The following IAH1 variants were observed in gnomAD, a reference collection of about 807,000 sequenced individuals.
The protein encoded by IAH1 is isoamyl acetate hydrolyzing esterase 1 (putative), also known as isoamyl acetate-hydrolyzing esterase 1 homolog.
Under a neutral mutation model 26.7 loss-of-function variants are expected in IAH1, and 24 were observed. The observed-to-expected ratio is 0.90, with a 90% CI of 0.65 to 1.26. The LOEUF (loss-of-function observed/expected upper bound fraction) is 1.26, where lower values mean the gene tolerates loss of function less well. Ranked by LOEUF, IAH1 falls within the 50% of genes most tolerant of loss-of-function variation. The pLI, the probability that IAH1 is intolerant of heterozygous loss-of-function variation, is 0.00. For synonymous variants in IAH1, 140 were observed against 118.5 expected (o/e 1.18, Z -1.18); for missense variants, 300 against 299.9 (o/e 1.00, Z 0.00).
downstream of IAH1, chr2:9,493,100 C>T: frequency 3.8e-6 from 3 of 795,204 alleles, no homozygotes; most frequent in South Asian, 3.8e-5. Context: ...GCTAGACATA[C>T]TACCGAGAGC....
downstream of IAH1, among the ~76,000 whole-genome samples, chr2:9,493,279 C>T (rs1662307952): frequency 6.6e-6 from 1 of 152,174 alleles, no homozygotes; most frequent in Non-Finnish European, 1.5e-5. Context: ...CTAGTAAATG[C>T]TTAAGAAGAC....
chr2:9,490,205 C>T (rs754284338), downstream of IAH1: 13 of 1,598,690 alleles, frequency 8.1e-6, no homozygotes, highest in South Asian at 3.3e-5. Context: ...GCTGTCAACA[C>T]GATTCTGACG....
chr2:9,504,316 G>A, the IAH1 span, among the ~76,000 whole-genome samples: 5 of 151,802 alleles, frequency 3.3e-5, no homozygotes, highest in East Asian at 1.9e-4. Context: ...GTGATGGTGC[G>A]TACCTGTAGT....
intron 1 of IAH1, among the ~76,000 whole-genome samples, chr2:9,475,451 C>A (rs546496193): frequency 2.0e-5 from 3 of 151,598 alleles, no homozygotes. Context: ...CCTCACTGAC[C>A]TTTGACTTTA....
the IAH1 span, chr2:9,506,977 C>A: frequency 6.6e-6 from 1 of 152,132 alleles, no homozygotes; most frequent in Non-Finnish European, 1.5e-5. Context: ...ACTTCCTCTT[C>A]CGTTCAGCAA....
chr2:9,507,172 A>C, the IAH1 span, among the ~76,000 whole-genome samples: 1 of 152,154 alleles, frequency 6.6e-6, no homozygotes, highest in Non-Finnish European at 1.5e-5. Context: ...TTCATCAGTT[A>C]AAAATATTTT....
At chr2:9,510,093 A>G in the IAH1 span, 1 of 1,614,196 alleles carries the variant, frequency 6.2e-7, no homozygotes, top group Non-Finnish European at 8.5e-7. Context: ...CTGCTCCAAA[A>G]TTATGTCCCA....
At chr2:9,504,852 A>G in the IAH1 span, among the ~76,000 whole-genome samples, 1 of 151,764 alleles carries the variant, frequency 6.6e-6, no homozygotes, top group Non-Finnish European at 1.5e-5. Context: ...ATAATGTCAC[A>G]CTGCTTTCCA....
chr2:9,475,906 A>T, intron 1 of IAH1, 81 bp from the exon 2 acceptor site: 1 of 1,224,408 alleles, frequency 8.2e-7, no homozygotes. Flanking sequence ...CCGAGAAAAC[A>T]GAAGTTGCCA....
At chr2:9,498,205 C>CT (rs869073680), downstream of IAH1, among the ~76,000 whole-genome samples, 14 of 145,688 alleles carry the variant, frequency 9.6e-5, no homozygotes, top group South Asian at 2.2e-4. Flanking sequence ...AATTTTCTTT[C>CT]TTTTTTTTTG....
Position 9,475,976 on chromosome 2 carries a change from T to C in IAH1, c.82-11T>C. 1.2e-6 allele frequency: 2 copies of C among 1,613,118 alleles called. No individual in the cohort carries two copies. Among genetic ancestry groups the C allele is most frequent in the Non-Finnish European group, 1.7e-6 (2 of 1,179,484 alleles). ...GTCATTAGTAGTAATAATGGGCTTT[T>C]CTTCCTCCAGTTTTCCTTCCAGCAG... On this transcript the variant is annotated splice_polypyrimidine_tract_variant and intron_variant, in intron 1 of 5. Transcript: ENST00000497473.
In IAH1 at chr2:9,487,817, TGTGTGTGTGTGTGTGTGCGC is replaced by T. The variant is rs1444668442; in HGVS notation, c.565-328_565-309del. 2.7e-3 allele frequency among the ~76,000 whole-genome samples: 252 copies of T among 95,020 alleles called. 3 individuals carry two copies. The highest frequency in any genetic ancestry group is 0.01 in the African/African-American group (248 of 24,090). The allele number at this position is 95,020 out of a possible 152,430, so 62.3% of individuals were successfully genotyped here. ...GTGTGTGTGTGTGTGTGTGTGTGTG[TGTGTGTGTGTGTGTGTGCGC>T]GCGCGCGCGCGCGCTGTGGGGGGAG... On this transcript the variant is annotated intron_variant, in intron 5 of 5. Transcript: ENST00000497473.
At chr2:9,494,209 T>C (rs994637909), downstream of IAH1, among the ~76,000 whole-genome samples, 5 of 152,348 alleles carry the variant, frequency 3.3e-5, no homozygotes, top group South Asian at 8.3e-4. Flanking sequence ...AGAAAAATTA[T>C]GCTTCTCTAG....
chr2:9,479,303 T>C (rs1002098644), intron 3 of IAH1, among the ~76,000 whole-genome samples: 3 of 151,994 alleles, frequency 2.0e-5, no homozygotes, highest in Admixed American at 6.6e-5. Context: ...ATAAGAGCAG[T>C]GGAGGAAGCC....
chr2:9,504,860 C>A, the IAH1 span, among the ~76,000 whole-genome samples: 1 of 151,556 alleles, frequency 6.6e-6, no homozygotes, highest in Non-Finnish European at 1.5e-5. Flanking sequence ...ACACTGCTTT[C>A]CAGAAAGCTT....
chr2:9,488,526 A>G lies in IAH1; in HGVS notation c.*197A>G, dbSNP rs536095125. 7 of 444,906 alleles carry G rather than the reference A, an allele frequency of 1.6e-5. No individual in the cohort carries two copies. In the South Asian group the frequency reaches 3.9e-4, roughly 25 times the overall value. 27.6% of individuals were successfully genotyped at this position (444,906 alleles called of 1,614,324 possible). A position where few individuals can be genotyped will look rare whatever the true frequency, so the allele number is the denominator to read the frequency against. ...ATTTATTAATGCAGATATCAGTGCT[A>G]CAGCTATAAAATATACCCTGAGCAG... On this transcript the variant is annotated 3_prime_UTR_variant, in exon 6 of 6. Transcript: ENST00000497473.
chr2:9,476,974 T>C (rs1407240197), intron 2 of IAH1, among the ~76,000 whole-genome samples: 1 of 152,186 alleles, frequency 6.6e-6, no homozygotes, highest in East Asian at 1.9e-4. Flanking sequence ...CCTCCACCTC[T>C]GGGGCTGAAG....
chr2:9,510,081 T>C, the IAH1 span: 1 of 1,614,188 alleles, frequency 6.2e-7, no homozygotes. Context: ...CCGGATCATG[T>C]TCTGCTCCAA....
At chr2:9,509,498 A>G in the IAH1 span, among the ~76,000 whole-genome samples, 1 of 152,206 alleles carries the variant, frequency 6.6e-6, no homozygotes, top group African/African-American at 2.4e-5. Context: ...AGAGCTATGA[A>G]TAAGATAGAG....
Sources: gnomAD v4.1 joint callset for allele counts (sites outside exome capture counted in the v4.1 genomes callset) on GRCh38, gnomAD v4.1.1 for gene constraint, MANE v1.5 for transcripts, NCBI Gene and HGNC (gene_info 2026-07-23, HGNC 2026-07-21) for gene names.